Variants in C3orf38 observed in about 807,000 individuals in gnomAD.
C3orf38 encodes chromosome 3 open reading frame 38, also known as uncharacterized protein C3orf38.
In C3orf38, 18 loss-of-function variants were observed where a neutral mutation model predicts 28.3. The observed-to-expected ratio is 0.64, with a 90% CI of 0.44 to 0.94. C3orf38 has a LOEUF of 0.94. C3orf38 is among the 40% of genes least tolerant of loss of function. The pLI is 0.00. For missense variants in C3orf38, 364 were observed against 396.4 expected (o/e 0.92, Z 0.69); for synonymous variants, 145 against 138.1 (o/e 1.05, Z -0.35).
In C3orf38 at chr3:88,150,001, T is replaced by A; in HGVS notation, c.-52T>A. The A allele has an allele frequency of 1.9e-6, 3 of 1,610,634 alleles. No individual in the cohort carries two copies. Among genetic ancestry groups the A allele is most frequent in the Non-Finnish European group, 2.5e-6 (3 of 1,178,298 alleles). ...TGTCTGTTGCCAGGCGCGGGCCCAG[T>A]GGGCCGTAGGGGCGACATTGTTGCC... On this transcript the variant is annotated 5_prime_UTR_variant, in exon 1 of 3. Coordinates refer to ENST00000318887, the MANE Select transcript of C3orf38 (RefSeq NM_173824.4).
At chr3:88,153,117 G>T (rs1304101979) in intron 1 of C3orf38, 113 bp from the exon 2 acceptor site, 3 of 981,452 alleles carry the variant, frequency 3.1e-6, no homozygotes, top group East Asian at 5.2e-5. Flanking sequence ...TCATGTAACA[G>T]CAATAATGCT....
At position 88,156,862 on chromosome 3, in the gene C3orf38, C is replaced by T. The variant is rs566823081; in HGVS notation, c.*227C>T. 7 of 442,106 alleles carry T rather than the reference C, an allele frequency of 1.6e-5. No homozygotes were observed. The highest frequency in any genetic ancestry group is 7.9e-5 in the Admixed American group (2 of 25,288). 27.4% of individuals were successfully genotyped at this position (442,106 alleles called of 1,614,324 possible). ...ATGTGAATACTTACCTATTTCTACC[C>T]GAGTTGCAGCAAGTATTCTGAAAGC... On this transcript the variant is annotated 3_prime_UTR_variant, in exon 3 of 3. Transcript: ENST00000318887.
At chr3:88,152,672 G>C (rs535062473) in intron 1 of C3orf38, among the ~76,000 whole-genome samples, 1 of 150,830 alleles carries the variant, frequency 6.6e-6, no homozygotes, top group South Asian at 2.1e-4. Context: ...GGAGAATGGC[G>C]TGAACCTGGG....
chr3:88,153,864 A>AT (rs1157716773), intron 2 of C3orf38, among the ~76,000 whole-genome samples: 2 of 151,876 alleles, frequency 1.3e-5, no homozygotes, highest in Non-Finnish European at 1.5e-5. Flanking sequence ...TGCCCAGCCT[A>AT]TTTTTTTTAT....
rs1707495842 is a variant in C3orf38, at chr3:88,157,516, A to G, written c.*881A>G. The G allele has an allele frequency of 6.6e-6, 1 of 152,176 alleles. No individual in the cohort carries two copies. Among genetic ancestry groups the G allele is most frequent in the Non-Finnish European group, 1.5e-5 (1 of 68,028 alleles). 9.4% of individuals were successfully genotyped at this position (152,176 alleles called of 1,614,324 possible). On this transcript the variant is annotated 3_prime_UTR_variant, in exon 3 of 3. Transcript: ENST00000318887. ...TTGGCTGATCTTGGCAGAGATGACA[A>G]AAAAAACCCCAAAACAACCCATGCA...
chr3:88,153,106 A>G lies in C3orf38; in HGVS notation c.134-124A>G, dbSNP rs1234135162. 13 of 907,910 alleles carry G rather than the reference A, an allele frequency of 1.4e-5. No individual in the cohort carries two copies. The Admixed American group carries it at 3.8e-4, about 26-fold the overall frequency. The allele number at this position is 907,910 out of a possible 1,614,324, so 56.2% of individuals were successfully genotyped here. A position where few individuals can be genotyped will look rare whatever the true frequency, so the allele number is the denominator to read the frequency against. ...TTCCTATTTTTTAAAAATGATGACT[A>G]TCATGTAACAGCAATAATGCTGTGA... On this transcript the variant is annotated intron_variant, in intron 1 of 2. Coordinates refer to ENST00000318887, the MANE Select transcript of C3orf38 (RefSeq NM_173824.4).
chr3:88,153,596 G>T, intron 2 of C3orf38, 125 bp downstream of exon 2: 1 of 1,189,316 alleles, frequency 8.4e-7, no homozygotes, highest in East Asian at 2.6e-5. Flanking sequence ...TTTTTTAAGA[G>T]ATTCTTGCTC....
At position 88,156,455 on chromosome 3, in the gene C3orf38, T is replaced by C. The variant is rs780722535; in HGVS notation, c.810T>C (p.Phe270=). 1 of 1,614,182 alleles carries C rather than the reference T, an allele frequency of 6.2e-7. No homozygotes were observed. Among genetic ancestry groups the C allele is most frequent in the East Asian group, 2.2e-5 (1 of 44,882 alleles). The change falls in exon 3 of 3, where the codon TTT becomes TTC. Residue 270 remains phenylalanine (F), a synonymous_variant. Coordinates refer to ENST00000318887, the MANE Select transcript of C3orf38 (RefSeq NM_173824.4). ...TGGAGAATACTTGGAAAATCAAATTTATCAACCTGAAAATTATGGGAGAGA... is the reference window on the plus strand; with the variant it reads ...TGGAGAATACTTGGAAAATCAAATTCATCAACCTGAAAATTATGGGAGAGA... The part of the protein sequence containing the change: ...PFVENTWKIK[F]INLKIMGESS...
chr3:88,153,615 A>T, intron 2 of C3orf38, 144 bp downstream of exon 2: 2 of 1,003,894 alleles, frequency 2.0e-6, no homozygotes, highest in Non-Finnish European at 2.8e-6. Context: ...TCTGTTGCCC[A>T]GGCTGGAGTG....
chr3:88,156,063 C>T lies in C3orf38; in HGVS notation c.418C>T (p.Arg140Cys), dbSNP rs754520360. Residue 140 changes from arginine (R) to cysteine (C), a missense_variant, in exon 3 of 3, where the codon CGC becomes TGC. By Grantham distance (180) the Arg-to-Cys change is radical. Coordinates refer to ENST00000318887, the MANE Select transcript of C3orf38 (RefSeq NM_173824.4). The part of the protein sequence containing the change: ...DKKAEKVDFR[R>C]LGEEFCHWFF... ...AAAAGCTGAAAAAGTTGATTTTCGT[C>T]GCCTAGGAGAAGAATTCTGTCATTG... is the stretch of plus-strand genomic sequence containing the variant. The T allele has an allele frequency of 1.9e-5, 30 of 1,555,746 alleles. No individual in the cohort carries two copies. The highest frequency in any genetic ancestry group is 1.7e-4 in the Admixed American group (8 of 46,922).
At chr3:88,151,883 A>T (rs1158881980) in intron 1 of C3orf38, among the ~76,000 whole-genome samples, 1 of 152,202 alleles carries the variant, frequency 6.6e-6, no homozygotes, top group African/African-American at 2.4e-5. Context: ...TAGTTCAGGG[A>T]TACATACTTA....
intron 1 of C3orf38, among the ~76,000 whole-genome samples, chr3:88,152,688 G>T (rs1707430981): frequency 6.6e-6 from 1 of 151,182 alleles, no homozygotes; most frequent in South Asian, 2.1e-4. Context: ...CTGGGAGGCG[G>T]AGCTTGCAGT....
intron 1 of C3orf38, among the ~76,000 whole-genome samples, chr3:88,152,191 G>A (rs771525366): frequency 2.4e-4 from 37 of 151,826 alleles, no homozygotes; most frequent in South Asian, 2.1e-4. Flanking sequence ...CGAGGCAAGC[G>A]GATCATCTGA....
At chr3:88,151,707 T>G (rs1707416422) in intron 1 of C3orf38, among the ~76,000 whole-genome samples, 1 of 152,210 alleles carries the variant, frequency 6.6e-6, no homozygotes. Flanking sequence ...TTGGATACCT[T>G]GTGTGCAGTC....
At chr3:88,154,521 T>C (rs1266865213) in intron 2 of C3orf38, among the ~76,000 whole-genome samples, 1 of 152,202 alleles carries the variant, frequency 6.6e-6, no homozygotes, top group Non-Finnish European at 1.5e-5. Flanking sequence ...TCTATGTAAT[T>C]TGCAGATTTT....
intron 1 of C3orf38, among the ~76,000 whole-genome samples, chr3:88,151,894 T>C (rs995971806): frequency 7.9e-5 from 12 of 152,334 alleles, no homozygotes; most frequent in South Asian, 6.2e-4. Flanking sequence ...TACATACTTA[T>C]GCTGTACAAC....
intron 2 of C3orf38, among the ~76,000 whole-genome samples, chr3:88,155,490 G>A (rs933357877): frequency 2.0e-4 from 27 of 138,238 alleles, no homozygotes; most frequent in Non-Finnish European, 3.1e-5. Context: ...ACGGAGTCTC[G>A]CTCTGTTGCG....
chr3:88,153,100 A>T, intron 1 of C3orf38, 130 bp from the exon 2 acceptor site: 3 of 864,276 alleles, frequency 3.5e-6, no homozygotes, highest in Non-Finnish European at 5.2e-6. Flanking sequence ...TTTAAAAATG[A>T]TGACTATCAT....
chr3:88,153,969 A>G (rs78940513), intron 2 of C3orf38, among the ~76,000 whole-genome samples: 8,501 of 152,314 alleles, frequency 0.056, 261 homozygotes, highest in Admixed American at 0.078. Context: ...TCTGACATAT[A>G]GTGATGCATA....
Sources: gnomAD v4.1 joint callset for allele counts (sites outside exome capture counted in the v4.1 genomes callset) on GRCh38, gnomAD v4.1.1 for gene constraint, MANE v1.5 for transcripts, NCBI Gene and HGNC (gene_info 2026-07-23, HGNC 2026-07-21) for gene names.